NCK1: variants seen among roughly 807,000 people sequenced by gnomAD.
NCK1 encodes the protein NCK adaptor protein 1.
A neutral mutation model predicts 36.6 loss-of-function variants in NCK1; 19 were observed. That is an observed-to-expected ratio of 0.52 (90% CI 0.36 to 0.76). The LOEUF is 0.76. Among genes scored for constraint, NCK1 ranks in the 30% least tolerant of loss-of-function variants. NCK1 has a pLI of 0.00. For missense variants in NCK1, 358 were observed against 445.6 expected (o/e 0.80, Z 1.77); for synonymous variants, 165 against 156.0 (o/e 1.06, Z -0.43).
intron 2 of NCK1, among the ~76,000 whole-genome samples, chr3:136,945,064 T>C (rs1003854095): frequency 9.9e-5 from 15 of 152,156 alleles, no homozygotes; most frequent in Non-Finnish European, 5.9e-5. Context: ...GCTACCTGGG[T>C]CTGGGAACCA....
intron 2 of NCK1, among the ~76,000 whole-genome samples, chr3:136,933,898 G>A (rs1314901865): frequency 6.6e-6 from 1 of 151,986 alleles, no homozygotes; most frequent in Non-Finnish European, 1.5e-5. Flanking sequence ...AGTAGAGATG[G>A]GGTTTCCCCA....
At chr3:136,882,001 T>C (rs1465726420) in intron 1 of NCK1, among the ~76,000 whole-genome samples, 1 of 152,194 alleles carries the variant, frequency 6.6e-6, no homozygotes, top group African/African-American at 2.4e-5. Flanking sequence ...TGTAGAAATA[T>C]CTGTTCAGGT....
chr3:136,912,517 A>G (rs1428399921), intron 1 of NCK1, among the ~76,000 whole-genome samples: 3 of 145,510 alleles, frequency 2.1e-5, no homozygotes, highest in East Asian at 2.0e-4. Context: ...ATGTTGCCCT[A>G]TCATCACACT....
chr3:136,862,634 G>T (rs539705137), intron 1 of NCK1, among the ~76,000 whole-genome samples: 69 of 90,196 alleles, frequency 7.7e-4, no homozygotes, highest in African/African-American at 2.2e-3. Flanking sequence ...CGGGCTGAGA[G>T]CCCGGGCGGC....
rs924207808 is a variant in NCK1 at position 136,862,337 on chromosome 3, G to A, written c.-35G>A. 2 of 152,776 alleles carry A rather than the reference G, an allele frequency of 1.3e-5. No individual in the cohort carries two copies. The highest frequency in any genetic ancestry group is 2.4e-5 in the African/African-American group (1 of 41,464). 9.5% of individuals were successfully genotyped at this position (152,776 alleles called of 1,614,324 possible). A position where few individuals can be genotyped will look rare whatever the true frequency, so the allele number is the denominator to read the frequency against. ...CTCCTCAGGTGAGCTGGAGCTGCCC[G>A]GCTCGGCAGCGGGAAGGTGAGACGG... On this transcript the variant is annotated 5_prime_UTR_variant, in exon 1 of 4. Coordinates refer to ENST00000481752, the MANE Select transcript of NCK1 (RefSeq NM_001291999.2).
intron 2 of NCK1, among the ~76,000 whole-genome samples, chr3:136,938,331 T>G (rs1940587993): frequency 2.0e-5 from 3 of 152,200 alleles, no homozygotes; most frequent in Admixed American, 6.5e-5. Context: ...GATTCTGTAT[T>G]TGTGAATTCA....
At chr3:136,873,126 G>A (rs577961213) in intron 1 of NCK1, among the ~76,000 whole-genome samples, 9 of 152,222 alleles carry the variant, frequency 5.9e-5, no homozygotes, top group South Asian at 2.1e-4. Flanking sequence ...TGCACCATGC[G>A]CCTGGAAAAG....
chr3:136,934,780 T>A (rs1940486230), intron 2 of NCK1, among the ~76,000 whole-genome samples: 1 of 152,238 alleles, frequency 6.6e-6, no homozygotes, highest in Non-Finnish European at 1.5e-5. Context: ...TTTAAACTTG[T>A]ATCTCCTATT....
At chr3:136,878,489 G>T (rs1199259386) in intron 1 of NCK1, among the ~76,000 whole-genome samples, 1 of 152,130 alleles carries the variant, frequency 6.6e-6, no homozygotes, top group Non-Finnish European at 1.5e-5. Context: ...CAGAAATTGT[G>T]TATTTGTAGA....
At chr3:136,918,901 A>G (rs916612128) in intron 1 of NCK1, among the ~76,000 whole-genome samples, 2 of 152,154 alleles carry the variant, frequency 1.3e-5, no homozygotes, top group African/African-American at 4.8e-5. Context: ...CCATGTGAGT[A>G]TTGTTCATTA....
At chr3:136,879,494 A>G (rs1938870178) in intron 1 of NCK1, among the ~76,000 whole-genome samples, 1 of 152,206 alleles carries the variant, frequency 6.6e-6, no homozygotes, top group African/African-American at 2.4e-5. Context: ...GTTTAGCCAG[A>G]TATTATGGGT....
intron 2 of NCK1, among the ~76,000 whole-genome samples, chr3:136,929,223 A>G (rs1313290061): frequency 5.9e-5 from 9 of 152,176 alleles, no homozygotes; most frequent in Non-Finnish European, 1.0e-4. Context: ...GCTTACTACC[A>G]TACCCAGCTT....
intron 1 of NCK1, among the ~76,000 whole-genome samples, chr3:136,893,289 G>C (rs1939305262): frequency 6.6e-6 from 1 of 151,252 alleles, no homozygotes; most frequent in Admixed American, 6.6e-5. Context: ...GTTCTTTAAG[G>C]AATCTGCGCC....
At chr3:136,876,435 CAAAT>C (rs575391411) in intron 1 of NCK1, among the ~76,000 whole-genome samples, 154 of 152,168 alleles carry the variant, frequency 1.0e-3, no homozygotes, top group African/African-American at 3.6e-3. Flanking sequence ...AGAGAAGAAT[CAAAT>C]AGACACAATA....
At chr3:136,902,458 G>T (rs1454238654) in intron 1 of NCK1, among the ~76,000 whole-genome samples, 1 of 152,208 alleles carries the variant, frequency 6.6e-6, no homozygotes, top group Non-Finnish European at 1.5e-5. Flanking sequence ...GCCTCCCAGA[G>T]TGCTAAGATT....
At chr3:136,931,528 G>A (rs1431116238) in intron 2 of NCK1, among the ~76,000 whole-genome samples, 3 of 151,738 alleles carry the variant, frequency 2.0e-5, no homozygotes, top group Non-Finnish European at 2.9e-5. Context: ...TGTCTCTTCT[G>A]TTTACTTTTT....
chr3:136,930,353 A>T, intron 2 of NCK1: 1 of 841,200 alleles, frequency 1.2e-6, no homozygotes, highest in Non-Finnish European at 1.6e-6. Flanking sequence ...ATGATTATTT[A>T]CTTGTTATAC....
chr3:136,935,220 T>C (rs1445325787), intron 2 of NCK1, among the ~76,000 whole-genome samples: 1 of 152,218 alleles, frequency 6.6e-6, no homozygotes, highest in Non-Finnish European at 1.5e-5. Flanking sequence ...TGACAATGTG[T>C]AATTAGTCTT....
chr3:136,868,313 T>C (rs1402760008), intron 1 of NCK1, among the ~76,000 whole-genome samples: 1 of 152,158 alleles, frequency 6.6e-6, no homozygotes, highest in Non-Finnish European at 1.5e-5. Flanking sequence ...AAAAATAATA[T>C]TGTCATGTTT....
Sources: allele counts gnomAD v4.1 joint callset (sites outside exome capture counted in the v4.1 genomes callset), GRCh38; gene constraint gnomAD v4.1.1; transcripts MANE v1.5; gene names NCBI Gene and HGNC (gene_info 2026-07-23, HGNC 2026-07-21).